Variants in CSMD3 observed in about 807,000 individuals in gnomAD.
CSMD3 encodes CUB and sushi domain-containing protein 3.
A neutral mutation model predicts 435.2 loss-of-function variants in CSMD3; 177 were observed. The ratio of observed to expected loss-of-function variants is 0.41; its 90% confidence interval spans 0.36 to 0.46. The LOEUF (loss-of-function observed/expected upper bound fraction) is 0.46. Ranked by LOEUF, CSMD3 falls within the 20% of genes least tolerant of loss-of-function variation. CSMD3 has a pLI of 0.34. For missense variants in CSMD3, 4,265 were observed against 4,504.6 expected, an observed-to-expected ratio of 0.95 and a Z score of 1.52; for synonymous variants, 1,656 against 1,520.5, an observed-to-expected ratio of 1.09 and a Z score of -2.07.
intron 32 of CSMD3, among the ~76,000 whole-genome samples, chr8:112,431,847 A>G (rs1182000772): frequency 2.0e-5 from 3 of 152,154 alleles, no homozygotes; most frequent in Non-Finnish European, 4.4e-5. Flanking sequence ...AATGGGATAG[A>G]CAATAGACAA....
At chr8:112,770,321 T>C (rs1367316750) in intron 13 of CSMD3, among the ~76,000 whole-genome samples, 1 of 151,970 alleles carries the variant, frequency 6.6e-6, no homozygotes, top group African/African-American at 2.4e-5. Flanking sequence ...GCTCTTTTTC[T>C]TGACCCTTCC....
At chr8:112,870,241 G>C (rs2081093821) in intron 10 of CSMD3, among the ~76,000 whole-genome samples, 1 of 150,154 alleles carries the variant, frequency 6.7e-6, no homozygotes, top group Non-Finnish European at 1.5e-5. Context: ...AAACCACAAT[G>C]AGACACCATC....
chr8:113,338,572 C>G (rs569436689), intron 1 of CSMD3, among the ~76,000 whole-genome samples: 1 of 151,990 alleles, frequency 6.6e-6, no homozygotes, highest in Non-Finnish European at 1.5e-5. Context: ...CTGATACTTG[C>G]AACAACATGG....
chr8:113,125,403 G>A (rs559942076), intron 4 of CSMD3, among the ~76,000 whole-genome samples: 1 of 152,038 alleles, frequency 6.6e-6, no homozygotes, highest in South Asian at 2.1e-4. Flanking sequence ...TTTGGGGCTG[G>A]AGATTAAAAA....
At chr8:113,268,495 A>G (rs910113075) in intron 3 of CSMD3, among the ~76,000 whole-genome samples, 1 of 151,940 alleles carries the variant, frequency 6.6e-6, no homozygotes, top group African/African-American at 2.4e-5. Flanking sequence ...AACTAGAGAT[A>G]TATGCAACTA....
At chr8:112,358,195 T>A (rs1438571956) in intron 38 of CSMD3, among the ~76,000 whole-genome samples, 1 of 152,102 alleles carries the variant, frequency 6.6e-6, no homozygotes, top group Admixed American at 6.5e-5. Flanking sequence ...GCACCTTTGT[T>A]TTGGCCAATT....
At chr8:112,234,116 C>T (rs1257566835) in intron 68 of CSMD3, among the ~76,000 whole-genome samples, 1 of 151,124 alleles carries the variant, frequency 6.6e-6, no homozygotes, top group East Asian at 1.9e-4. Flanking sequence ...CCCACATCCA[C>T]CCATACCCTC....
intron 1 of CSMD3, among the ~76,000 whole-genome samples, chr8:113,326,765 T>C (rs2132738776): frequency 6.6e-6 from 1 of 152,302 alleles, no homozygotes; most frequent in Non-Finnish European, 1.5e-5. Context: ...TCACACAAAA[T>C]TAATTCTATA....
chr8:112,741,794 A>ATAGATAGATAGAT (rs151301351), intron 13 of CSMD3, among the ~76,000 whole-genome samples: 3 of 149,352 alleles, frequency 2.0e-5, no homozygotes, highest in African/African-American at 7.4e-5. Flanking sequence ...AGATAGAGAG[A>ATAGATAGATAGAT]AGATAGATAG....
intron 41 of CSMD3, 22 bp downstream of exon 41, chr8:112,346,075 C>A (rs770771295): frequency 8.6e-7 from 1 of 1,169,464 alleles, no homozygotes; most frequent in Non-Finnish European, 1.3e-6. Flanking sequence ...AAAGCTCTTT[C>A]ACGTGTTTTT....
chr8:112,447,015 A>T (rs11778069), intron 32 of CSMD3, among the ~76,000 whole-genome samples: 64,862 of 151,928 alleles, frequency 0.43, 14,836 homozygotes, highest in Middle Eastern at 0.6. Flanking sequence ...AAAGGATGAA[A>T]ATGTGGGAAC....
At chr8:112,268,448 T>A (rs1817161346) in intron 59 of CSMD3, among the ~76,000 whole-genome samples, 1 of 152,218 alleles carries the variant, frequency 6.6e-6, no homozygotes, top group Admixed American at 6.5e-5. Context: ...ACTTTCTCTT[T>A]TAACTTCTTA....
In CSMD3 at chr8:112,682,424, A is replaced by T. The variant is rs779592212; in HGVS notation, c.2677+18T>A. The T allele has an allele frequency of 6.3e-7, 1 of 1,590,432 alleles. No homozygotes were observed. Among genetic ancestry groups the T allele is most frequent in the Non-Finnish European group, 8.6e-7 (1 of 1,160,298 alleles). ...TAATGATGATGAGGTTCTATTTCTC[A>T]CTCACTACTACACTTACCTCCACAT... On this transcript the variant is annotated intron_variant, in intron 16 of 70. Transcript: ENST00000297405.
intron 27 of CSMD3, among the ~76,000 whole-genome samples, chr8:112,541,615 C>T (rs1586641481): frequency 6.6e-6 from 1 of 151,718 alleles, no homozygotes; most frequent in Admixed American, 6.6e-5. Context: ...ATTTTAAAAT[C>T]TCCCAACAAA....
chr8:113,250,966 C>A (rs950475813), intron 3 of CSMD3, among the ~76,000 whole-genome samples: 9 of 151,762 alleles, frequency 5.9e-5, no homozygotes, highest in Non-Finnish European at 1.2e-4. Flanking sequence ...TGAAAATTGC[C>A]TTGCAGAAGG....
At position 112,640,988 on chromosome 8, in the gene CSMD3, G is replaced by A. The variant is rs75333697; in HGVS notation, c.3311-2077C>T. 2.1e-3 allele frequency among the ~76,000 whole-genome samples: 313 copies of A among 151,784 alleles called. 2 individuals are homozygous for A. Among genetic ancestry groups the A allele is most frequent in the African/African-American group, 5.5e-3 (228 of 41,382 alleles). The stretch of plus-strand genomic sequence containing the variant: ...TTTAGAATTTCATTAATTAATTATC[G>A]GTGCCAACAAAGCCACTGTTAAGTA... On this transcript the variant is annotated intron_variant, in intron 20 of 70. Coordinates refer to ENST00000297405, the MANE Select transcript of CSMD3 (RefSeq NM_198123.2).
At chr8:113,305,150 G>T (rs1369819166) in intron 2 of CSMD3, among the ~76,000 whole-genome samples, 14 of 139,814 alleles carry the variant, frequency 1.0e-4, no homozygotes, top group South Asian at 4.7e-4. Flanking sequence ...GGGGACTGTT[G>T]TGGGGTTGGG....
chr8:113,125,190 AT>A (rs1311322276), intron 4 of CSMD3, among the ~76,000 whole-genome samples: 3 of 151,902 alleles, frequency 2.0e-5, no homozygotes, highest in Non-Finnish European at 1.5e-5. Flanking sequence ...TGAACAAGGA[AT>A]TTTTTTGAGA....
intron 11 of CSMD3, among the ~76,000 whole-genome samples, chr8:112,836,503 A>G (rs2132510280): frequency 6.6e-6 from 1 of 151,972 alleles, no homozygotes; most frequent in Non-Finnish European, 1.5e-5. Context: ...TATTTGACCT[A>G]ATTCTGGCCA....
Sources: gnomAD v4.1 joint callset for allele counts (sites outside exome capture counted in the v4.1 genomes callset) on GRCh38, gnomAD v4.1.1 for gene constraint, MANE v1.5 for transcripts, NCBI Gene and HGNC (gene_info 2026-07-23, HGNC 2026-07-21) for gene names.